The following PHIP variants were observed in gnomAD, a reference collection of about 807,000 sequenced individuals.
The protein encoded by PHIP is PH-interacting protein.
PHIP carries 54 observed loss-of-function variants against 236.8 expected under a neutral mutation model. The ratio of observed to expected loss-of-function variants is 0.23; its 90% CI spans 0.18 to 0.29. PHIP has a LOEUF of 0.29. Ranked by LOEUF, PHIP falls within the 10% of genes least tolerant of loss-of-function variation. The pLI, the probability that PHIP is intolerant of heterozygous loss-of-function variation, is 1.00. For missense variants in PHIP, 1,370 were observed against 2,190.8 expected, an observed-to-expected ratio of 0.63 and a Z score of 7.48; for synonymous variants, 756 against 718.9, an observed-to-expected ratio of 1.05 and a Z score of -0.83.
intron 7 of PHIP, among the ~76,000 whole-genome samples, chr6:79,036,094 A>G (rs1381980632): frequency 6.6e-6 from 1 of 152,204 alleles, no homozygotes; most frequent in Admixed American, 6.5e-5. Context: ...TGGGTAGGCT[A>G]AGCATTATCA....
At chr6:78,942,938 A>G (rs953863196) in intron 39 of PHIP, among the ~76,000 whole-genome samples, 2 of 152,242 alleles carry the variant, frequency 1.3e-5, no homozygotes, top group African/African-American at 4.8e-5. Context: ...GGAATTCAGA[A>G]GTTTTTTAAA....
At chr6:79,047,084 T>A (rs2127763105) in intron 6 of PHIP, among the ~76,000 whole-genome samples, 1 of 152,298 alleles carries the variant, frequency 6.6e-6, no homozygotes, top group East Asian at 1.9e-4. Context: ...AAATCACTGT[T>A]ATCCATTTGA....
chr6:79,077,962 G>T (rs752204091), intron 1 of PHIP, 49 bp from the exon 2 acceptor site: 2 of 1,586,778 alleles, frequency 1.3e-6, no homozygotes, highest in African/African-American at 2.7e-5. Flanking sequence ...GCGGTCGGGC[G>T]GCGGGGGGCG....
In PHIP at chr6:78,936,753, C is replaced by A. The variant is rs1008585074; in HGVS notation, c.*3940G>T. On this transcript the variant is annotated 3_prime_UTR_variant, in exon 40 of 40. Transcript: ENST00000275034. ...CGCCAAAAGTGGTACTTACAGTCTT[C>A]TGACTCAATTTGACCTTTTCTTGGG... The A allele has an allele frequency of 4.6e-5, 7 of 151,826 alleles. No individual in the cohort carries two copies. The highest frequency in any genetic ancestry group is 7.4e-5 in the Non-Finnish European group (5 of 67,766). The allele number at this position is 151,826 out of a possible 1,614,324, so 9.4% of individuals were successfully genotyped here.
rs150407678 is a variant in PHIP at position 79,022,534 on chromosome 6, G to C, written c.923+2985C>G. Reference sequence around the variant, plus strand: ...AGATAATAACTGTACCTTTCTCAAAGGGTTGTTATAGGGATTGAGATAACA... The same window carrying C: ...AGATAATAACTGTACCTTTCTCAAACGGTTGTTATAGGGATTGAGATAACA... On this transcript the variant is annotated intron_variant, in intron 9 of 39. Coordinates refer to ENST00000275034, the MANE Select transcript of PHIP (RefSeq NM_017934.7). Among the ~76,000 whole-genome samples, 96 of 152,234 alleles carry C rather than the reference G, an allele frequency of 6.3e-4. 1 individual carries two copies. In the South Asian group the frequency reaches 8.1e-3, roughly 13 times the overall value.
chr6:79,054,388 T>A (rs1160636316), intron 6 of PHIP, among the ~76,000 whole-genome samples: 3 of 146,410 alleles, frequency 2.0e-5, no homozygotes, highest in African/African-American at 5.0e-5. Context: ...ACTAAAATTA[T>A]GACTAGAAAA....
chr6:78,996,988 T>C (rs1769660151), intron 19 of PHIP, among the ~76,000 whole-genome samples: 1 of 150,986 alleles, frequency 6.6e-6, no homozygotes, highest in Non-Finnish European at 1.5e-5. Flanking sequence ...TTTTAATATA[T>C]ATAAAATCTT....
chr6:79,013,079 G>A (rs972756964), intron 15 of PHIP, among the ~76,000 whole-genome samples: 12 of 151,634 alleles, frequency 7.9e-5, no homozygotes, highest in African/African-American at 2.7e-4. Context: ...CCAAGTGCCC[G>A]CATAATAGCT....
At chr6:79,010,329 G>A (rs1160769696) in intron 15 of PHIP, among the ~76,000 whole-genome samples, 1 of 151,690 alleles carries the variant, frequency 6.6e-6, no homozygotes, top group Non-Finnish European at 1.5e-5. Flanking sequence ...TAGATTGGCA[G>A]CCTCTGCTCG....
chr6:79,003,652 A>T, intron 16 of PHIP, 78 bp downstream of exon 16: 1 of 954,614 alleles, frequency 1.0e-6, no homozygotes, highest in Non-Finnish European at 1.5e-6. Context: ...GCTGATTCTC[A>T]CCCACTCCAA....
At position 79,078,199 on chromosome 6, in the gene PHIP, A is replaced by ACGGCGG. The variant is rs1384262319; in HGVS notation, c.-137_-132dup. ...GAGCTTCGGCTCCACCATTCAAGCA[A>ACGGCGG]CGGCGGCGGAGGCGGAGGAGGAGGA... On this transcript the variant is annotated 5_prime_UTR_variant, in exon 1 of 40. Transcript: ENST00000275034. The ACGGCGG allele has an allele frequency of 4.7e-6, 4 of 843,120 alleles. No homozygotes were observed. The Admixed American group carries it at 1.1e-4, about 22-fold the overall frequency. The allele number at this position is 843,120 out of a possible 1,614,324, so 52.2% of individuals were successfully genotyped here. A position where few individuals can be genotyped will look rare whatever the true frequency, so the allele number is the denominator to read the frequency against.
At chr6:79,043,356 G>C (rs2050662) in intron 6 of PHIP, among the ~76,000 whole-genome samples, 69,233 of 151,826 alleles carry the variant, frequency 0.46, 16,371 homozygotes, top group East Asian at 0.7. Context: ...CTTAAAAGCT[G>C]TCTATGAAAT....
intron 15 of PHIP, among the ~76,000 whole-genome samples, chr6:79,007,938 T>A (rs897131088): frequency 6.6e-6 from 1 of 152,040 alleles, no homozygotes; most frequent in Admixed American, 6.6e-5. Flanking sequence ...CTCAGATGTA[T>A]ATTTGAAATA....
intron 23 of PHIP, among the ~76,000 whole-genome samples, chr6:78,980,318 A>AGGTAG (rs1768429314): frequency 6.6e-6 from 1 of 152,066 alleles, no homozygotes. Context: ...ACAGGAAGAC[A>AGGTAG]CATGAGATGC....
chr6:79,028,331 AAGAC>A (rs1771504952), intron 7 of PHIP, among the ~76,000 whole-genome samples: 1 of 152,016 alleles, frequency 6.6e-6, no homozygotes, highest in African/African-American at 2.4e-5. Flanking sequence ...GAATTAGGCT[AAGAC>A]AGAAAGGAGA....
At chr6:79,046,406 T>C (rs867653143) in intron 6 of PHIP, among the ~76,000 whole-genome samples, 1 of 152,206 alleles carries the variant, frequency 6.6e-6, no homozygotes, top group African/African-American at 2.4e-5. Flanking sequence ...TATTTGCTCT[T>C]CATCTATCAC....
At chr6:79,070,830 T>C (rs1773846837) in intron 4 of PHIP, among the ~76,000 whole-genome samples, 1 of 152,230 alleles carries the variant, frequency 6.6e-6, no homozygotes, top group Admixed American at 6.5e-5. Context: ...ATGTAAATAA[T>C]TGTTACAATG....
rs147978966 is a variant in PHIP at position 78,994,011 on chromosome 6, C to T, written c.2202-3026G>A. Among the ~76,000 whole-genome samples, 1,336 of 152,300 alleles carry T rather than the reference C, an allele frequency of 8.8e-3. 20 individuals are homozygous for T. The highest frequency in any genetic ancestry group is 0.029 in the African/African-American group (1,211 of 41,564). ...GGAAGAGGAAAAGTATCACTGTTAA[C>T]AGGAGTTTGAAAGAAGCTGATTCCA... is the stretch of plus-strand genomic sequence containing the variant. On this transcript the variant is annotated intron_variant, in intron 19 of 39. Transcript: ENST00000275034.
chr6:78,999,119 G>A (rs1769827179), intron 17 of PHIP, among the ~76,000 whole-genome samples: 2 of 152,262 alleles, frequency 1.3e-5, no homozygotes, highest in East Asian at 1.9e-4. Context: ...GAACACTTCA[G>A]GTAGAACGCA....
Sources: allele counts gnomAD v4.1 joint callset (sites outside exome capture counted in the v4.1 genomes callset), GRCh38; gene constraint gnomAD v4.1.1; transcripts MANE v1.5; gene names NCBI Gene and HGNC (gene_info 2026-07-23, HGNC 2026-07-21).